Variants in PDE4B observed in about 807,000 individuals in gnomAD.
PDE4B encodes the protein 3',5'-cyclic-AMP phosphodiesterase 4B.
Under a neutral mutation model 82.2 loss-of-function variants are expected in PDE4B, and 20 were observed. The ratio of observed to expected loss-of-function variants is 0.24; its 90% confidence interval spans 0.17 to 0.35. The LOEUF (loss-of-function observed/expected upper bound fraction) is 0.35. Among genes scored for constraint, PDE4B ranks in the 10% least tolerant of loss-of-function variants. The probability of loss-of-function intolerance (pLI) is 1.00; values close to 1 mark genes in which losing one functional copy is unlikely to be tolerated. For missense variants in PDE4B, 655 were observed against 907.2 expected, an observed-to-expected ratio of 0.72 and a Z score of 3.57; for synonymous variants, 320 against 318.9, an observed-to-expected ratio of 1.00 and a Z score of -0.04.
At chr1:66,207,981 T>C (rs1247157557) in intron 3 of PDE4B, among the ~76,000 whole-genome samples, 1 of 152,208 alleles carries the variant, frequency 6.6e-6, no homozygotes, top group Non-Finnish European at 1.5e-5. Context: ...ATGTGACTTC[T>C]TTATCTTTTG....
chr1:66,178,861 T>G (rs1646993719), intron 3 of PDE4B, among the ~76,000 whole-genome samples: 1 of 152,030 alleles, frequency 6.6e-6, no homozygotes, highest in Non-Finnish European at 1.5e-5. Flanking sequence ...TTTTTTTTTC[T>G]TTTTTTTGAG....
intron 3 of PDE4B, among the ~76,000 whole-genome samples, chr1:66,004,074 C>A (rs757674499): frequency 1.3e-5 from 2 of 152,100 alleles, no homozygotes; most frequent in East Asian, 3.8e-4. Context: ...TTCAACCTAT[C>A]TTAGAAAAAG....
At chr1:65,943,392 G>T (rs1648546135) in intron 3 of PDE4B, among the ~76,000 whole-genome samples, 2 of 151,870 alleles carry the variant, frequency 1.3e-5, no homozygotes, top group South Asian at 4.1e-4. Flanking sequence ...ATGCTGTTTT[G>T]ATTATTATTG....
At position 66,352,263 on chromosome 1, in the gene PDE4B, G is replaced by C. The variant is rs537779841; in HGVS notation, c.748-3264G>C. On this transcript the variant is annotated intron_variant, in intron 8 of 16. Transcript: ENST00000341517. ...CTATGTTTTTTGGTAGCATTGCTGT[G>C]CCCTTAGCAAAAGGCTCATAGGAGA... is the stretch of plus-strand genomic sequence containing the variant. Among the ~76,000 whole-genome samples, 11 of 152,288 alleles carry C rather than the reference G, an allele frequency of 7.2e-5. No homozygotes were observed. In the South Asian group the frequency reaches 2.1e-3, roughly 29 times the overall value.
At chr1:65,962,420 G>T (rs1345918818) in intron 3 of PDE4B, among the ~76,000 whole-genome samples, 1 of 152,146 alleles carries the variant, frequency 6.6e-6, no homozygotes, top group East Asian at 1.9e-4. Context: ...CTGACCCACA[G>T]GTAGCAGAAT....
At chr1:65,869,577 A>T (rs1646549725) in intron 1 of PDE4B, among the ~76,000 whole-genome samples, 1 of 152,216 alleles carries the variant, frequency 6.6e-6, no homozygotes, top group Non-Finnish European at 1.5e-5. Context: ...TTTAAATATT[A>T]GTTGTCAGTT....
intron 3 of PDE4B, among the ~76,000 whole-genome samples, chr1:66,192,367 C>T (rs1647893077): frequency 6.6e-6 from 1 of 152,126 alleles, no homozygotes; most frequent in Non-Finnish European, 1.5e-5. Flanking sequence ...AGAATTTAGA[C>T]TCAACCGAAC....
At chr1:66,185,721 G>T (rs541625083) in intron 3 of PDE4B, among the ~76,000 whole-genome samples, 79 of 151,858 alleles carry the variant, frequency 5.2e-4, no homozygotes, top group African/African-American at 1.9e-3. Flanking sequence ...GTTCATTGTA[G>T]ACTCTGGATA....
Position 66,363,500 on chromosome 1 carries a change from T to C in PDE4B, c.1213T>C (p.Tyr405His). ...LEDHYHSDVAYHNSLHAADVA... is the reference protein window; with the variant it reads ...LEDHYHSDVAHHNSLHAADVA... ...AGACCATTACCATTCTGACGTGGCA[T>C]ATCACAACAGCCTGCACGCTGCTGA... Residue 405 changes from tyrosine to histidine, a missense_variant, in exon 12 of 17, where the codon TAT becomes CAT. Physicochemically the swap from Tyr to His is moderately conservative, Grantham distance 83 (BLOSUM62 2). This residue lies in a region of PDE4B where 283 missense variants were observed against 516.4 expected (regional missense o/e 0.55). Transcript: ENST00000341517. 6.2e-7 allele frequency: 1 copy of C among 1,613,828 alleles called. No individual in the cohort carries two copies. The highest frequency in any genetic ancestry group is 8.5e-7 in the Non-Finnish European group (1 of 1,179,806).
chr1:65,814,504 C>T (rs780070217), intron 1 of PDE4B, among the ~76,000 whole-genome samples: 1 of 152,056 alleles, frequency 6.6e-6, no homozygotes, highest in Non-Finnish European at 1.5e-5. Context: ...TAAAAGGCTA[C>T]AATTTAGTGA....
chr1:65,924,842 G>A lies in PDE4B; in HGVS notation c.281+6007G>A, dbSNP rs372590823. ...AGGCTATTTATAACATGTCAGTTTG[G>A]TTTCTCCAGAGCAAGTGTTTTGAGA... On this transcript the variant is annotated intron_variant, in intron 3 of 16. Coordinates refer to ENST00000341517, the MANE Select transcript of PDE4B (RefSeq NM_002600.4). Among the ~76,000 whole-genome samples the A allele has an allele frequency of 4.3e-4, 65 of 152,348 alleles. 1 individual carries two copies. Among genetic ancestry groups the A allele is most frequent in the African/African-American group, 1.5e-3 (63 of 41,590 alleles).
At chr1:65,907,185 A>C (rs1647036590) in intron 1 of PDE4B, among the ~76,000 whole-genome samples, 1 of 152,138 alleles carries the variant, frequency 6.6e-6, no homozygotes, top group Non-Finnish European at 1.5e-5. Context: ...GTTTATCTCC[A>C]TCATATTAAA....
chr1:66,080,008 A>G (rs1570170385), intron 3 of PDE4B, among the ~76,000 whole-genome samples: 1 of 152,158 alleles, frequency 6.6e-6, no homozygotes, highest in South Asian at 2.1e-4. Flanking sequence ...ATTTCATCCC[A>G]ACAAAAGCCT....
intron 1 of PDE4B, among the ~76,000 whole-genome samples, 162 bp downstream of exon 1, chr1:65,793,410 C>T (rs926015738): frequency 6.6e-6 from 1 of 152,198 alleles, no homozygotes; most frequent in African/African-American, 2.4e-5. Flanking sequence ...GCGTCATTGT[C>T]GCCCCTTGTA....
intron 1 of PDE4B, among the ~76,000 whole-genome samples, chr1:65,849,738 A>C (rs1646308871): frequency 6.6e-6 from 1 of 152,206 alleles, no homozygotes; most frequent in African/African-American, 2.4e-5. Flanking sequence ...AACTGTGTGC[A>C]TTTTGAGAGC....
rs1655373757 is a variant in PDE4B at position 66,057,677 on chromosome 1, A to T, written c.281+138842A>T. On this transcript the variant is annotated intron_variant, in intron 3 of 16. Transcript: ENST00000341517. ...AGGCAAAGAGAGACCTTGTGCAGGG[A>T]AACTCCCATTTTTAAAACCATCAGA... Among the ~76,000 whole-genome samples, 3 of 152,268 alleles carry T rather than the reference A, an allele frequency of 2.0e-5. No individual in the cohort carries two copies. The South Asian group carries it at 6.2e-4, about 32-fold the overall frequency.
chr1:66,077,022 G>T (rs1656469884), intron 3 of PDE4B, among the ~76,000 whole-genome samples: 2 of 151,774 alleles, frequency 1.3e-5, no homozygotes, highest in South Asian at 4.2e-4. Flanking sequence ...GTTTAATTAG[G>T]TCTTACTTGT....
At chr1:65,893,956 G>C (rs1270791381) in intron 1 of PDE4B, among the ~76,000 whole-genome samples, 1 of 152,024 alleles carries the variant, frequency 6.6e-6, no homozygotes, top group Non-Finnish European at 1.5e-5. Flanking sequence ...AGGACACAAA[G>C]GCATAAGAGT....
chr1:65,955,036 C>T (rs1649185172), intron 3 of PDE4B, among the ~76,000 whole-genome samples: 3 of 151,990 alleles, frequency 2.0e-5, no homozygotes, highest in Admixed American at 6.6e-5. Flanking sequence ...TCTTGAGAAT[C>T]GCAAACAAGA....
Sources: allele counts gnomAD v4.1 joint callset (sites outside exome capture counted in the v4.1 genomes callset), GRCh38; gene constraint gnomAD v4.1.1; regional missense constraint gnomAD v4.1.1; transcripts MANE v1.5; gene names NCBI Gene and HGNC (gene_info 2026-07-23, HGNC 2026-07-21).